The following NARF variants were observed in gnomAD, a reference collection of about 807,000 sequenced individuals.
The protein encoded by NARF is iron-only hydrogenase-like protein 2.
A neutral mutation model predicts 48.0 loss-of-function variants in NARF; 41 were observed. The observed-to-expected ratio is 0.85, with a 90% CI of 0.66 to 1.11. The LOEUF is 1.11. Ranked by LOEUF, NARF falls within the 50% of genes least tolerant of loss-of-function variation. The probability of loss-of-function intolerance (pLI) is 0.00; values close to 1 mark genes in which losing one functional copy is unlikely to be tolerated. For missense variants in NARF, 613 were observed against 590.2 expected, an observed-to-expected ratio of 1.04 and a Z score of -0.40; for synonymous variants, 215 against 225.5, an observed-to-expected ratio of 0.95 and a Z score of 0.42.
At chr17:82,467,883 T>G (rs963001390) in intron 3 of NARF, among the ~76,000 whole-genome samples, 1 of 152,232 alleles carries the variant, frequency 6.6e-6, no homozygotes, top group Admixed American at 6.5e-5. Flanking sequence ...GTAATTTCAC[T>G]TATTCATTGG....
intron 7 of NARF, 77 bp downstream of exon 7, chr17:82,481,288 C>G (rs1286586419): frequency 2.5e-6 from 4 of 1,584,066 alleles, no homozygotes; most frequent in Admixed American, 1.7e-5. Flanking sequence ...CCAGGCAGAT[C>G]TGTGTCCCAG....
upstream of NARF, chr17:82,458,737 TG>T: frequency 6.8e-7 from 1 of 1,462,614 alleles, no homozygotes; most frequent in South Asian, 1.4e-5. Context: ...CGGCGGGCAG[TG>T]GTGTCCCAGT....
intron 4 of NARF, 51 bp downstream of exon 4, chr17:82,468,947 C>T (rs1296533337): frequency 6.3e-7 from 1 of 1,599,190 alleles, no homozygotes; most frequent in South Asian, 1.1e-5. Context: ...TTTATAAGCG[C>T]CCTTTTTAAT....
At chr17:82,466,079 G>A (rs952318121) in intron 3 of NARF, among the ~76,000 whole-genome samples, 7 of 152,170 alleles carry the variant, frequency 4.6e-5, no homozygotes, top group African/African-American at 7.2e-5. Context: ...GGCCTTTCAG[G>A]GAACAGAATG....
At chr17:82,484,514 C>T (rs1599854602) in intron 8 of NARF, 1 of 241,696 alleles carries the variant, frequency 4.1e-6, no homozygotes, top group Non-Finnish European at 8.0e-6. Context: ...GCCTGAGAGA[C>T]AGAACAAGAC....
intron 10 of NARF, among the ~76,000 whole-genome samples, chr17:82,486,005 C>T (rs1275283715): frequency 6.6e-6 from 1 of 152,188 alleles, no homozygotes; most frequent in Non-Finnish European, 1.5e-5. Flanking sequence ...CCGTGCCAGG[C>T]ACCAAGCATG....
intron 5 of NARF, chr17:82,477,273 G>A (rs953156802): frequency 3.9e-5 from 6 of 152,022 alleles, no homozygotes; most frequent in African/African-American, 1.2e-4. Context: ...GGAGGCCGAG[G>A]CGGGAGGATC....
intron 5 of NARF, among the ~76,000 whole-genome samples, chr17:82,475,752 A>G (rs1207496170): frequency 2.0e-5 from 3 of 152,204 alleles, no homozygotes; most frequent in Non-Finnish European, 2.9e-5. Context: ...CCTACCTAGC[A>G]TTGTGTTCAC....
At chr17:82,471,778 T>A (rs2043713006) in intron 4 of NARF, among the ~76,000 whole-genome samples, 1 of 79,160 alleles carries the variant, frequency 1.3e-5, no homozygotes, top group Non-Finnish European at 2.4e-5. Context: ...CGCGAAAGAG[T>A]GAGACTCCGT....
chr17:82,487,097 G>A (rs990898799), intron 10 of NARF, among the ~76,000 whole-genome samples: 4 of 152,178 alleles, frequency 2.6e-5, no homozygotes, highest in African/African-American at 7.2e-5. Flanking sequence ...GTTGGAAATC[G>A]GGATTTGCAT....
intron 7 of NARF, 64 bp downstream of exon 7, chr17:82,481,275 G>C (rs2043959381): frequency 1.3e-6 from 2 of 1,595,418 alleles, no homozygotes; most frequent in Admixed American, 1.7e-5. Context: ...GTACACACCA[G>C]AGCCAGGCAG....
chr17:82,483,718 G>A lies in NARF; in HGVS notation c.772G>A (p.Glu258Lys). 3.1e-6 allele frequency: 5 copies of A among 1,613,966 alleles called. No individual in the cohort carries two copies. Among genetic ancestry groups the A allele is most frequent in the Non-Finnish European group, 4.2e-6 (5 of 1,179,938 alleles). The change falls in exon 8 of 11, where the codon GAA (glutamate) becomes AAA (lysine). Residue 258 changes from glutamate (E) to lysine (K), a missense_variant and splice_region_variant. Glu to Lys is a moderately conservative substitution (Grantham distance 56). Transcript: ENST00000309794. ...RGADCVLTSG[E>K]IAQIMEQGDL... is the part of the protein sequence containing the mutation. ...TGTCTTACTTCGTTTGTCTGCAGGT[G>A]AAATTGCTCAAATAATGGAGCAAGG...
chr17:82,479,363 G>A lies in NARF; in HGVS notation c.639+445G>A, dbSNP rs115425666. Among the ~76,000 whole-genome samples the A allele has an allele frequency of 6.6e-3, 1,000 of 152,280 alleles. 19 individuals are homozygous for A. Among genetic ancestry groups the A allele is most frequent in the African/African-American group, 0.023 (943 of 41,546 alleles). ...TGCCCTGGCCTTTCCCTCAGACCAC[G>A]GGCATCACATGACTTCCTTAGCCAC... On this transcript the variant is annotated intron_variant, in intron 6 of 10. Transcript: ENST00000309794.
At chr17:82,475,665 C>T (rs1382212283) in intron 5 of NARF, among the ~76,000 whole-genome samples, 2 of 152,326 alleles carry the variant, frequency 1.3e-5, no homozygotes, top group East Asian at 3.9e-4. Context: ...GGCCTGCAGC[C>T]AGTGGCTGGA....
chr17:82,481,008 C>T, intron 6 of NARF, 74 bp from the exon 7 acceptor site: 1 of 1,596,374 alleles, frequency 6.3e-7, no homozygotes, highest in Non-Finnish European at 8.6e-7. Flanking sequence ...TCCCATCCCT[C>T]TTGTTCTGGG....
Position 82,489,103 on chromosome 17 carries a change from T to G in NARF, c.*946T>G, listed in dbSNP as rs1252718902. The G allele has an allele frequency of 6.5e-6, 1 of 152,924 alleles. No individual in the cohort carries two copies. Among genetic ancestry groups the G allele is most frequent in the Non-Finnish European group, 1.5e-5 (1 of 68,364 alleles). 9.5% of individuals were successfully genotyped at this position (152,924 alleles called of 1,614,324 possible). The stretch of plus-strand genomic sequence containing the variant: ...AGCTTTTCTTAGAAAAACTGTAGTT[T>G]CTGACAACAGTAGGCCCCATTCCTC... On this transcript the variant is annotated 3_prime_UTR_variant, in exon 11 of 11. Coordinates refer to ENST00000309794, the MANE Select transcript of NARF (RefSeq NM_012336.4).
chr17:82,483,831 C>CCCTGCCAGCCA (rs1207506170), intron 8 of NARF, 52 bp downstream of exon 8: 2 of 1,557,940 alleles, frequency 1.3e-6, no homozygotes, highest in Non-Finnish European at 1.8e-6. Context: ...CTCTCGTCAG[C>CCCTGCCAGCCA]CCTGCCAGCC....
intron 6 of NARF, chr17:82,480,323 C>T (rs1421478676): frequency 5.0e-6 from 2 of 399,464 alleles, no homozygotes; most frequent in Non-Finnish European, 8.8e-6. Context: ...TCACTCAGGC[C>T]TCCTGCAATG....
At chr17:82,464,981 C>T (rs1040634027) in intron 3 of NARF, among the ~76,000 whole-genome samples, 2 of 152,180 alleles carry the variant, frequency 1.3e-5, no homozygotes, top group Non-Finnish European at 2.9e-5. Context: ...CAAAGAACTA[C>T]GTGACACTGG....
Sources: allele counts gnomAD v4.1 joint callset (sites outside exome capture counted in the v4.1 genomes callset), GRCh38; gene constraint gnomAD v4.1.1; transcripts MANE v1.5; gene names NCBI Gene and HGNC (gene_info 2026-07-23, HGNC 2026-07-21).